Variants in FSD1L observed in about 807,000 individuals in gnomAD.
The protein encoded by FSD1L is fibronectin type III and SPRY domain containing 1 like.
Under a neutral mutation model 71.6 loss-of-function variants are expected in FSD1L, and 45 were observed. That is an observed-to-expected ratio of 0.63 (90% CI 0.49 to 0.81). The LOEUF (loss-of-function observed/expected upper bound fraction) is 0.81. Ranked by LOEUF, FSD1L falls within the 30% of genes least tolerant of loss-of-function variation. The pLI, the probability that FSD1L is intolerant of heterozygous loss-of-function variation, is 0.00. For missense variants in FSD1L, 561 were observed against 618.1 expected (o/e 0.91, Z 0.98); for synonymous variants, 197 against 207.2 (o/e 0.95, Z 0.42).
intron 10 of FSD1L, chr9:105,525,166 A>T: frequency 6.3e-7 from 1 of 1,582,906 alleles, no homozygotes. Flanking sequence ...AAGAGAAGCC[A>T]GAAGAGCCTC....
At chr9:105,488,475 A>G (rs1422351496) in intron 7 of FSD1L, among the ~76,000 whole-genome samples, 5 of 152,234 alleles carry the variant, frequency 3.3e-5, no homozygotes, top group African/African-American at 7.2e-5. Flanking sequence ...GAATAAGGCT[A>G]CTATAAACAT....
chr9:105,519,890 G>C (rs539750793), intron 10 of FSD1L, among the ~76,000 whole-genome samples: 52 of 152,314 alleles, frequency 3.4e-4, no homozygotes, highest in African/African-American at 1.2e-3. Flanking sequence ...GTGCAGGGCC[G>C]GGAGAGGGAT....
Position 105,550,380 on chromosome 9 carries a change from A to G in FSD1L, c.*3897A>G, listed in dbSNP as rs1422695192. On this transcript the variant is annotated 3_prime_UTR_variant, in exon 14 of 14. Coordinates refer to ENST00000481272, the MANE Select transcript of FSD1L (RefSeq NM_001145313.3). ...TTAGGGAAGTGTATGGTCAACATAT[A>G]TTTACTCAGTATACAGATAACCACA... 6.6e-6 allele frequency: 1 copy of G among 152,172 alleles called. No homozygotes were observed. Among genetic ancestry groups the G allele is most frequent in the East Asian group, 1.9e-4 (1 of 5,190 alleles). The allele number at this position is 152,172 out of a possible 1,614,324, so 9.4% of individuals were successfully genotyped here. A position where few individuals can be genotyped will look rare whatever the true frequency, so the allele number is the denominator to read the frequency against.
chr9:105,491,170 C>G (rs2131745100), intron 7 of FSD1L, among the ~76,000 whole-genome samples: 1 of 152,090 alleles, frequency 6.6e-6, no homozygotes, highest in East Asian at 1.9e-4. Flanking sequence ...TTTGTATCCT[C>G]TTTTATTTCA....
chr9:105,501,347 A>C (rs1291408229), intron 7 of FSD1L, among the ~76,000 whole-genome samples: 1 of 151,962 alleles, frequency 6.6e-6, no homozygotes, highest in South Asian at 2.1e-4. Context: ...AGTTTTTTTC[A>C]GATTGTGTCC....
At chr9:105,513,625 A>G in intron 10 of FSD1L, 2 of 1,532,904 alleles carry the variant, frequency 1.3e-6, no homozygotes, top group Non-Finnish European at 1.7e-6. Context: ...CTGAAGAAAC[A>G]TACAAGGTGA....
intron 10 of FSD1L, among the ~76,000 whole-genome samples, chr9:105,533,951 G>A (rs1303704558): frequency 6.6e-6 from 1 of 151,988 alleles, no homozygotes; most frequent in Non-Finnish European, 1.5e-5. Context: ...TCGAACTCCC[G>A]ACCTCAGGTG....
At chr9:105,483,794 A>G (rs1019534503) in intron 6 of FSD1L, among the ~76,000 whole-genome samples, 2 of 152,158 alleles carry the variant, frequency 1.3e-5, no homozygotes, top group African/African-American at 4.8e-5. Context: ...TTGATAGATC[A>G]GAGTGACACC....
At chr9:105,545,510 A>C (rs1353639577) in intron 13 of FSD1L, among the ~76,000 whole-genome samples, 1 of 148,542 alleles carries the variant, frequency 6.7e-6, no homozygotes, top group Non-Finnish European at 1.5e-5. Context: ...CCAGTTTTCA[A>C]AGTGAATGCT....
chr9:105,452,040 G>A (rs560076211), intron 1 of FSD1L, among the ~76,000 whole-genome samples: 1 of 152,236 alleles, frequency 6.6e-6, no homozygotes, highest in East Asian at 1.9e-4. Flanking sequence ...TTGGAAAGGG[G>A]TAGTGAGTGA....
intron 6 of FSD1L, among the ~76,000 whole-genome samples, chr9:105,479,617 GTTAGTT>G (rs1189316726): frequency 6.6e-6 from 1 of 152,166 alleles, no homozygotes; most frequent in Non-Finnish European, 1.5e-5. Context: ...TAGAAATATA[GTTAGTT>G]TTAGTTTTAG....
intron 5 of FSD1L, among the ~76,000 whole-genome samples, chr9:105,478,545 T>G (rs533338019): frequency 1.0e-3 from 158 of 152,326 alleles, no homozygotes; most frequent in African/African-American, 3.7e-3. Flanking sequence ...AAAAAACTTT[T>G]GTTGGATATA....
intron 4 of FSD1L, among the ~76,000 whole-genome samples, chr9:105,470,696 T>C (rs1397043265): frequency 6.6e-6 from 1 of 152,166 alleles, no homozygotes; most frequent in Non-Finnish European, 1.5e-5. Flanking sequence ...AAGGATCAGA[T>C]ACTGTATCTT....
At chr9:105,524,949 C>T in intron 10 of FSD1L, 1 of 1,613,764 alleles carries the variant, frequency 6.2e-7, no homozygotes, top group South Asian at 1.1e-5. Context: ...AATAATACAA[C>T]CTTAGTGTCC....
chr9:105,498,843 T>A (rs933475326), intron 7 of FSD1L, among the ~76,000 whole-genome samples: 2 of 152,164 alleles, frequency 1.3e-5, no homozygotes, highest in African/African-American at 4.8e-5. Context: ...AAGCTGGTCT[T>A]GAACTCCTCA....
chr9:105,468,720 C>T (rs1266417195), intron 4 of FSD1L, among the ~76,000 whole-genome samples: 1 of 151,904 alleles, frequency 6.6e-6, no homozygotes, highest in African/African-American at 2.4e-5. Flanking sequence ...GTCTCAAACT[C>T]CTGACCTCAG....
rs1281043979 is a variant in FSD1L, at chr9:105,493,308, A to G, written c.586+8806A>G. Among the ~76,000 whole-genome samples, 19 of 152,070 alleles carry G rather than the reference A, an allele frequency of 1.2e-4. 1 individual carries two copies. Among genetic ancestry groups the G allele is most frequent in the Admixed American group, 1.1e-3 (17 of 15,286 alleles). ...TTGGTTTAAAGTCTGTTTTATCAGAAACTAGGATTGCAACCCCTGCCTTTT... is the reference window on the plus strand; with the variant it reads ...TTGGTTTAAAGTCTGTTTTATCAGAGACTAGGATTGCAACCCCTGCCTTTT... On this transcript the variant is annotated intron_variant, in intron 7 of 13. Transcript: ENST00000481272.
intron 1 of FSD1L, among the ~76,000 whole-genome samples, chr9:105,460,419 A>G (rs1268864541): frequency 6.6e-6 from 1 of 151,870 alleles, no homozygotes; most frequent in Non-Finnish European, 1.5e-5. Context: ...GTGAAACCCC[A>G]TCTCTACCAA....
At chr9:105,477,716 TA>T (rs1831900709) in intron 5 of FSD1L, among the ~76,000 whole-genome samples, 1 of 152,202 alleles carries the variant, frequency 6.6e-6, no homozygotes, top group Non-Finnish European at 1.5e-5. Flanking sequence ...TGATAGTAAT[TA>T]AAAAATCAAT....
Sources: gnomAD v4.1 joint callset for allele counts (sites outside exome capture counted in the v4.1 genomes callset) on GRCh38, gnomAD v4.1.1 for gene constraint, MANE v1.5 for transcripts, NCBI Gene and HGNC (gene_info 2026-07-23, HGNC 2026-07-21) for gene names.